The following SGCZ variants were observed in gnomAD, a reference collection of about 807,000 sequenced individuals.
The protein encoded by SGCZ is sarcoglycan zeta.
Under a neutral mutation model 41.3 loss-of-function variants are expected in SGCZ, and 40 were observed. The observed-to-expected ratio is 0.97, with a 90% confidence interval of 0.75 to 1.26. The LOEUF is 1.26. SGCZ is among the 50% of genes most tolerant of loss of function. The pLI, the probability that SGCZ is intolerant of heterozygous loss-of-function variation, is 0.00. For synonymous variants in SGCZ, 206 were observed against 137.5 expected, an observed-to-expected ratio of 1.50 and a Z score of -3.49; for missense variants, 552 against 369.8, an observed-to-expected ratio of 1.49 and a Z score of -4.04.
chr8:15,022,873 G>T (rs571547619), intron 1 of SGCZ, among the ~76,000 whole-genome samples: 4 of 152,152 alleles, frequency 2.6e-5, no homozygotes, highest in Non-Finnish European at 4.4e-5. Flanking sequence ...AGATAAAGAC[G>T]TTAAGGTTTA....
At chr8:15,011,592 T>A (rs1223548972) in intron 1 of SGCZ, among the ~76,000 whole-genome samples, 1 of 152,172 alleles carries the variant, frequency 6.6e-6, no homozygotes, top group Non-Finnish European at 1.5e-5. Context: ...TGAAATTCCA[T>A]ACTAAATTAT....
At chr8:14,446,500 G>A (rs1292137268) in intron 2 of SGCZ, among the ~76,000 whole-genome samples, 2 of 152,112 alleles carry the variant, frequency 1.3e-5, no homozygotes, top group African/African-American at 4.8e-5. Context: ...ATTTTGACTT[G>A]AAGAGTGGTA....
chr8:14,973,412 A>G (rs1411003159), intron 1 of SGCZ, among the ~76,000 whole-genome samples: 1 of 152,140 alleles, frequency 6.6e-6, no homozygotes, highest in Non-Finnish European at 1.5e-5. Flanking sequence ...AAGTGGGCCC[A>G]TGCTTTTCTC....
chr8:14,333,362 T>C (rs1802403391), intron 2 of SGCZ, among the ~76,000 whole-genome samples: 2 of 152,074 alleles, frequency 1.3e-5, no homozygotes, highest in African/African-American at 4.8e-5. Flanking sequence ...GGATTAATAA[T>C]AATGTTTTGT....
At chr8:14,108,357 T>G (rs1802272390) in intron 5 of SGCZ, 122 bp from the exon 6 acceptor site, 1 of 781,336 alleles carries the variant, frequency 1.3e-6, no homozygotes, top group Non-Finnish European at 2.1e-6. Context: ...ACATATGATG[T>G]ATTAGTCCGT....
intron 1 of SGCZ, among the ~76,000 whole-genome samples, chr8:14,639,079 C>T (rs974088236): frequency 8.0e-6 from 1 of 124,536 alleles, no homozygotes; most frequent in Non-Finnish European, 1.7e-5. Context: ...GGGAATTTTG[C>T]TCTGTCACCC....
intron 3 of SGCZ, among the ~76,000 whole-genome samples, chr8:14,259,998 G>A (rs540222067): frequency 6.6e-6 from 1 of 152,178 alleles, no homozygotes; most frequent in Admixed American, 6.5e-5. Context: ...TTGAGCAGTG[G>A]TTTGTAGTTC....
rs1011816735 is a variant in SGCZ, at chr8:14,271,010, A to G, written c.337-33331T>C. Among the ~76,000 whole-genome samples, 3 of 152,152 alleles carry G rather than the reference A, an allele frequency of 2.0e-5. No homozygotes were observed. In the South Asian group the frequency reaches 6.2e-4, roughly 32 times the overall value. ...GGAATTGAACAGTGAGAACGCAAGG[A>G]CACAGGAAGGGGAACATCACACCCT... On this transcript the variant is annotated intron_variant, in intron 3 of 7. Coordinates refer to ENST00000382080, the MANE Select transcript of SGCZ (RefSeq NM_139167.4).
In SGCZ at chr8:14,494,076, C is replaced by T. The variant is rs993454230; in HGVS notation, c.234+60656G>A. ...AAAACAGGGTTAAAATATTTGTTCG[C>T]GTGTTTTCAGGAGGAAGCATGGACA... On this transcript the variant is annotated intron_variant, in intron 2 of 7. Coordinates refer to ENST00000382080, the MANE Select transcript of SGCZ (RefSeq NM_139167.4). Among the ~76,000 whole-genome samples, 6 of 152,124 alleles carry T rather than the reference C, an allele frequency of 3.9e-5. No homozygotes were observed. The East Asian group carries it at 5.8e-4, about 15-fold the overall frequency.
chr8:15,088,820 A>C (rs1343085040), intron 1 of SGCZ, among the ~76,000 whole-genome samples: 3 of 152,262 alleles, frequency 2.0e-5, no homozygotes, highest in South Asian at 2.1e-4. Flanking sequence ...AATCAGATAA[A>C]TAGGCCCAAC....
chr8:14,310,236 T>C (rs756405446), intron 3 of SGCZ, among the ~76,000 whole-genome samples: 14 of 152,312 alleles, frequency 9.2e-5, no homozygotes, highest in Non-Finnish European at 2.1e-4. Flanking sequence ...ATTTCAGTTT[T>C]TGATTTGTTT....
intron 1 of SGCZ, among the ~76,000 whole-genome samples, chr8:14,859,205 C>T (rs1207793838): frequency 1.3e-5 from 2 of 152,076 alleles, no homozygotes; most frequent in Admixed American, 6.6e-5. Flanking sequence ...GAGAAACTTA[C>T]TTGAGGGTCA....
chr8:14,561,766 C>A (rs907360342), intron 1 of SGCZ, among the ~76,000 whole-genome samples: 5 of 152,090 alleles, frequency 3.3e-5, no homozygotes, highest in Admixed American at 6.6e-5. Context: ...TTTAAATTTG[C>A]ACTTTGAAAT....
chr8:14,099,952 C>T (rs929148465), intron 7 of SGCZ, among the ~76,000 whole-genome samples: 2 of 57,822 alleles, frequency 3.5e-5, no homozygotes, highest in Admixed American at 3.3e-4. Flanking sequence ...TTTCATCCAT[C>T]ATTTCATCCA....
intron 3 of SGCZ, among the ~76,000 whole-genome samples, chr8:14,276,164 G>A (rs1380254786): frequency 6.6e-6 from 1 of 152,146 alleles, no homozygotes; most frequent in Non-Finnish European, 1.5e-5. Context: ...TAGTCTGGGT[G>A]GGCATTGAAA....
intron 1 of SGCZ, among the ~76,000 whole-genome samples, chr8:15,197,885 T>TACAC (rs150640188): frequency 3.2e-4 from 48 of 150,572 alleles, no homozygotes; most frequent in African/African-American, 1.0e-3. Context: ...TGTGTATATA[T>TACAC]ACACACACAC....
intron 1 of SGCZ, among the ~76,000 whole-genome samples, chr8:14,843,328 A>G (rs1802990649): frequency 6.6e-6 from 1 of 152,122 alleles, no homozygotes; most frequent in African/African-American, 2.4e-5. Flanking sequence ...CTATGAGTAC[A>G]TTATTAAAAC....
chr8:14,639,038 C>CTTTTT (rs148778266), intron 1 of SGCZ, among the ~76,000 whole-genome samples: 12 of 137,648 alleles, frequency 8.7e-5, no homozygotes, highest in East Asian at 6.9e-4. Flanking sequence ...AAACTGGAAT[C>CTTTTT]TTTTTTTTTT....
intron 2 of SGCZ, among the ~76,000 whole-genome samples, chr8:14,473,929 C>A (rs960910849): frequency 2.6e-5 from 3 of 113,742 alleles, no homozygotes; most frequent in African/African-American, 6.9e-5. Context: ...CAGAGCAAGA[C>A]CCTGTCTCAA....
Sources: gnomAD v4.1 joint callset for allele counts (sites outside exome capture counted in the v4.1 genomes callset) on GRCh38, gnomAD v4.1.1 for gene constraint, MANE v1.5 for transcripts, NCBI Gene and HGNC (gene_info 2026-07-23, HGNC 2026-07-21) for gene names.